The following LRP1B variants were observed in gnomAD, a reference collection of about 807,000 sequenced individuals.
LRP1B encodes the protein low-density lipoprotein receptor-related protein 1B.
LRP1B carries 217 observed loss-of-function variants against 556.6 expected under a neutral mutation model. The observed-to-expected ratio is 0.39, with a 90% CI of 0.35 to 0.44. The LOEUF is 0.44. LRP1B is among the 20% of genes least tolerant of loss of function. The pLI is 1.00. For synonymous variants in LRP1B, 2,047 were observed against 1,865.8 expected (o/e 1.10, Z -2.50); for missense variants, 5,053 against 5,620.8 (o/e 0.90, Z 3.23).
chr2:141,090,324 G>A lies in LRP1B; in HGVS notation c.1014-28051C>T, dbSNP rs573793484. Among the ~76,000 whole-genome samples, 228 of 152,282 alleles carry A rather than the reference G, an allele frequency of 1.5e-3. 1 individual carries two copies. Among genetic ancestry groups the A allele is most frequent in the Non-Finnish European group, 2.6e-3 (174 of 67,994 alleles). Reference sequence around the variant, plus strand: ...AATACTGGATGAAAGCTAAAATCATGAACAGATCTGGAAATTTCTGTCCTT... The same window carrying A: ...AATACTGGATGAAAGCTAAAATCATAAACAGATCTGGAAATTTCTGTCCTT... On this transcript the variant is annotated intron_variant, in intron 7 of 90. Transcript: ENST00000389484.
chr2:140,581,471 G>A (rs562066780), intron 43 of LRP1B, among the ~76,000 whole-genome samples: 1 of 151,800 alleles, frequency 6.6e-6, no homozygotes, highest in South Asian at 2.1e-4. Flanking sequence ...ATAAGCTCTT[G>A]CCTCAGGCTT....
At chr2:140,843,096 T>G (rs867346824) in intron 29 of LRP1B, among the ~76,000 whole-genome samples, 1,354 of 31,822 alleles carry the variant, frequency 0.043, 34 homozygotes, top group Middle Eastern at 0.11. Context: ...TTTTTTTTTT[T>G]TTTGTTTTTT....
At chr2:141,790,295 C>A (rs1232731428) in intron 2 of LRP1B, among the ~76,000 whole-genome samples, 3 of 150,420 alleles carry the variant, frequency 2.0e-5, no homozygotes, top group East Asian at 3.9e-4. Flanking sequence ...AATATACATT[C>A]TTAGATTTCA....
At chr2:141,569,027 C>G (rs1686437868) in intron 2 of LRP1B, among the ~76,000 whole-genome samples, 1 of 150,906 alleles carries the variant, frequency 6.6e-6, no homozygotes. Flanking sequence ...CTTAGCCTCC[C>G]AGAATTCTGG....
chr2:141,272,321 C>A (rs537813563), intron 3 of LRP1B, among the ~76,000 whole-genome samples: 7 of 151,804 alleles, frequency 4.6e-5, no homozygotes, highest in East Asian at 3.9e-4. Context: ...CAACTCAAAC[C>A]TAATGAAATA....
chr2:142,114,948 A>G (rs1333244042), intron 1 of LRP1B, among the ~76,000 whole-genome samples: 2 of 152,132 alleles, frequency 1.3e-5, no homozygotes, highest in African/African-American at 4.8e-5. Flanking sequence ...AAAAATCCCA[A>G]TTACCCAGTT....
rs1410153727 is a variant in LRP1B at position 140,701,773 on chromosome 2, G to T, written c.6375C>A (p.Gly2125=). ...DATETITMRT[G]LGVNLKEVKI... is the part of the protein sequence containing the mutation. ...TAACCTCCTTCAGGTTGACTCCAAG[G>T]CCGGTTCTCATGGTTATCGTTTCTG... is the stretch of plus-strand genomic sequence containing the variant. The change falls in exon 40 of 91, where the codon GGC becomes GGA. Residue 2125 remains glycine (G), a synonymous_variant. Coordinates refer to ENST00000389484, the MANE Select transcript of LRP1B (RefSeq NM_018557.3). 1.3e-5 allele frequency: 21 copies of T among 1,612,994 alleles called. No individual in the cohort carries two copies. Among genetic ancestry groups the T allele is most frequent in the Non-Finnish European group, 1.7e-5 (20 of 1,179,342 alleles).
At chr2:141,471,564 G>A (rs1037512437) in intron 3 of LRP1B, among the ~76,000 whole-genome samples, 5 of 152,128 alleles carry the variant, frequency 3.3e-5, no homozygotes, top group Admixed American at 6.5e-5. Flanking sequence ...AATGCTTAGA[G>A]TGAGATGCCT....
intron 11 of LRP1B, among the ~76,000 whole-genome samples, chr2:141,045,118 T>C (rs10205098): frequency 0.82 from 110,074 of 134,908 alleles, 45,570 homozygotes; most frequent in East Asian, 0.93. Context: ...ATGTCCTTTG[T>C]GGGGACATGG....
At chr2:140,780,785 C>T (rs1689670521) in intron 32 of LRP1B, among the ~76,000 whole-genome samples, 1 of 152,066 alleles carries the variant, frequency 6.6e-6, no homozygotes, top group Non-Finnish European at 1.5e-5. Flanking sequence ...AAAGATTTTT[C>T]TGATTGCATT....
chr2:142,115,536 A>ATATATATTATATATTC (rs1707175767), intron 1 of LRP1B, among the ~76,000 whole-genome samples: 1 of 41,808 alleles, frequency 2.4e-5, no homozygotes, highest in Non-Finnish European at 5.1e-5. Flanking sequence ...TATATATATT[A>ATATATATTATATATTC]CATATGTAAT....
In LRP1B at chr2:141,352,079, G is replaced by T. The variant is rs1688466042; in HGVS notation, c.344-97438C>A. ...GACTGGAGAGGTAAACAGAAAGATG[G>T]TCATGAATAATCTAATAATTTTGCA... is the stretch of plus-strand genomic sequence containing the variant. On this transcript the variant is annotated intron_variant, in intron 3 of 90. Transcript: ENST00000389484. 2.6e-5 allele frequency among the ~76,000 whole-genome samples: 4 copies of T among 151,876 alleles called. No individual in the cohort carries two copies. In the South Asian group the frequency reaches 8.3e-4, roughly 31 times the overall value.
At chr2:141,798,345 A>T (rs1189063773) in intron 2 of LRP1B, among the ~76,000 whole-genome samples, 2 of 152,206 alleles carry the variant, frequency 1.3e-5, no homozygotes, top group African/African-American at 4.8e-5. Context: ...CAGAGGGAGC[A>T]AATTCAACTT....
intron 83 of LRP1B, among the ~76,000 whole-genome samples, chr2:140,308,765 C>T (rs1684172378): frequency 6.6e-6 from 1 of 151,756 alleles, no homozygotes; most frequent in Non-Finnish European, 1.5e-5. Context: ...AACTGCAGAG[C>T]ATAGTTATAA....
chr2:140,298,317 C>T (rs1573752130), intron 83 of LRP1B, among the ~76,000 whole-genome samples: 1 of 152,052 alleles, frequency 6.6e-6, no homozygotes, highest in Non-Finnish European at 1.5e-5. Context: ...TTATTCTACT[C>T]ATGTGATAAT....
intron 25 of LRP1B, among the ~76,000 whole-genome samples, chr2:140,873,208 G>T (rs192653860): frequency 2.0e-5 from 3 of 152,012 alleles, no homozygotes; most frequent in Admixed American, 6.6e-5. Flanking sequence ...AATATTATAA[G>T]GTGTCAAAAT....
intron 2 of LRP1B, among the ~76,000 whole-genome samples, chr2:141,596,634 A>G (rs996889392): frequency 1.3e-5 from 2 of 152,160 alleles, no homozygotes; most frequent in African/African-American, 4.8e-5. Flanking sequence ...GATTTAAAAG[A>G]CTTGCTAACA....
chr2:140,678,052 A>G (rs1685734094), intron 41 of LRP1B, among the ~76,000 whole-genome samples: 1 of 152,184 alleles, frequency 6.6e-6, no homozygotes, highest in African/African-American at 2.4e-5. Flanking sequence ...CACAAATAGT[A>G]AAAAGCAGAG....
chr2:140,832,762 G>A (rs1003747768), intron 31 of LRP1B, among the ~76,000 whole-genome samples: 9 of 152,142 alleles, frequency 5.9e-5, no homozygotes, highest in Admixed American at 2.0e-4. Context: ...GTAGGGGGAT[G>A]AAGAAAATTT....
Sources: allele counts gnomAD v4.1 joint callset (sites outside exome capture counted in the v4.1 genomes callset), GRCh38; gene constraint gnomAD v4.1.1; transcripts MANE v1.5; gene names NCBI Gene and HGNC (gene_info 2026-07-23, HGNC 2026-07-21).